The following ITGA7 variants were observed in gnomAD, a reference collection of about 807,000 sequenced individuals.
ITGA7 encodes the protein integrin alpha-7.
Under a neutral mutation model 131.6 loss-of-function variants are expected in ITGA7, and 84 were observed. That is an observed-to-expected ratio of 0.64 (90% CI 0.54 to 0.77). The LOEUF (loss-of-function observed/expected upper bound fraction) is 0.77, where lower values mean the gene tolerates loss of function less well. Among genes scored for constraint, ITGA7 ranks in the 30% least tolerant of loss-of-function variants. The probability of loss-of-function intolerance (pLI) is 0.00; values close to 1 mark genes in which losing one functional copy is unlikely to be tolerated. For missense variants in ITGA7, 1,399 were observed against 1,482.9 expected (o/e 0.94, Z 0.93); for synonymous variants, 548 against 600.7 (o/e 0.91, Z 1.28).
At position 55,695,545 on chromosome 12, in the gene ITGA7, G is replaced by C. The variant is rs769057334; in HGVS notation, c.1980C>G (p.Asp660Glu). Residue 660 changes from aspartate to glutamate, a missense_variant, in exon 14 of 25, where the codon GAC (aspartate) becomes GAG (glutamate). By Grantham distance (45) the Asp-to-Glu change is conservative. Coordinates refer to ENST00000257879, the MANE Select transcript of ITGA7 (RefSeq NM_002206.3). ...VRARFCTRVSDTEFQPLPMDV... is the reference protein window; with the variant it reads ...VRARFCTRVSETEFQPLPMDV... ...ACATGGGCAGAGGTTGGAATTCCGT[G>C]TCGCTGACCCGGGTACAGAAGCGGG... The C allele has an allele frequency of 6.2e-7, 1 of 1,612,792 alleles. No individual in the cohort carries two copies.
At chr12:55,711,334 T>C (rs1363794418), upstream of ITGA7, among the ~76,000 whole-genome samples, 6 of 152,038 alleles carry the variant, frequency 3.9e-5, no homozygotes. Context: ...AAAAATCAGC[T>C]GGGCGTGGTG....
At position 55,695,570 on chromosome 12, in the gene ITGA7, G is replaced by C; in HGVS notation, c.1955C>G (p.Ala652Gly). 1 of 1,613,996 alleles carries C rather than the reference G, an allele frequency of 6.2e-7. No individual in the cohort carries two copies. The highest frequency in any genetic ancestry group is 8.5e-7 in the Non-Finnish European group (1 of 1,179,980). ...ICQSNLQLVR[A>G]RFCTRVSDTE... ...GTCGCTGACCCGGGTACAGAAGCGG[G>C]CGCGGACCAGCTGCAGATTGCTCTG... is the stretch of plus-strand genomic sequence containing the variant. Residue 652 changes from alanine to glycine, a missense_variant, in exon 14 of 25, where the codon GCC becomes GGC. Coordinates refer to ENST00000257879, the MANE Select transcript of ITGA7 (RefSeq NM_002206.3).
chr12:55,702,782 C>G, intron 3 of ITGA7, 90 bp downstream of exon 3: 1 of 1,121,706 alleles, frequency 8.9e-7, no homozygotes, highest in Non-Finnish European at 1.3e-6. Flanking sequence ...AACTTGTGTT[C>G]TCTAAGCACA....
chr12:55,706,856 G>A (rs868487375), intron 1 of ITGA7, among the ~76,000 whole-genome samples: 1 of 152,216 alleles, frequency 6.6e-6, no homozygotes, highest in African/African-American at 2.4e-5. Flanking sequence ...GTACTTTGAG[G>A]GTTCAGTTTG....
intron 1 of ITGA7, among the ~76,000 whole-genome samples, chr12:55,705,183 A>G (rs1198237030): frequency 6.6e-6 from 1 of 152,066 alleles, no homozygotes; most frequent in Non-Finnish European, 1.5e-5. Context: ...GTGCATAGAT[A>G]TGCCCAGTCC....
At chr12:55,689,280 A>G (rs1236428585) in intron 21 of ITGA7, among the ~76,000 whole-genome samples, 2 of 152,232 alleles carry the variant, frequency 1.3e-5, no homozygotes, top group African/African-American at 2.4e-5. Context: ...AAGCTTCGCA[A>G]TAGTCCTACA....
intron 4 of ITGA7, chr12:55,700,287 G>A (rs756066012): frequency 3.7e-6 from 6 of 1,608,054 alleles, no homozygotes; most frequent in African/African-American, 1.3e-5. Flanking sequence ...CAGGGACCGG[G>A]ATGAGGCGGG....
intron 21 of ITGA7, 125 bp downstream of exon 21, chr12:55,692,718 TC>T (rs1871709095): frequency 1.6e-6 from 2 of 1,272,074 alleles, no homozygotes; most frequent in Admixed American, 4.0e-5. Flanking sequence ...GGGCACCCCC[TC>T]CTATGAATTG....
chr12:55,707,383 G>A (rs966773091), intron 1 of ITGA7, 94 bp downstream of exon 1: 5 of 1,024,838 alleles, frequency 4.9e-6, no homozygotes, highest in Non-Finnish European at 7.5e-6. Flanking sequence ...TCTTGGTGGG[G>A]CTAGAAAACA....
upstream of ITGA7, among the ~76,000 whole-genome samples, chr12:55,709,932 G>A (rs1436373932): frequency 6.6e-6 from 1 of 152,180 alleles, no homozygotes; most frequent in Non-Finnish European, 1.5e-5. Context: ...AAATAGAGGG[G>A]CAAAGGAGGG....
chr12:55,701,174 G>C lies in ITGA7; in HGVS notation c.415-20C>G, dbSNP rs1873931622. 1 of 1,614,116 alleles carries C rather than the reference G, an allele frequency of 6.2e-7. No individual in the cohort carries two copies. The highest frequency in any genetic ancestry group is 1.3e-5 in the African/African-American group (1 of 75,058). On this transcript the variant is annotated intron_variant, in intron 3 of 24. Coordinates refer to ENST00000257879, the MANE Select transcript of ITGA7 (RefSeq NM_002206.3). ...ACAGGTCTGGGGGAGGAAGGGATGG[G>C]GATCATTTCACTCTGTGGGCCAGGG...
At chr12:55,685,390 C>A in intron 24 of ITGA7, 102 bp from the exon 25 acceptor site, 1 of 1,073,124 alleles carries the variant, frequency 9.3e-7, no homozygotes, top group Non-Finnish European at 1.4e-6. Context: ...ATCCCTGCTG[C>A]GGCAGAAAGG....
chr12:55,694,766 C>G lies in ITGA7; in HGVS notation c.2196+12G>C. 6.2e-7 allele frequency: 1 copy of G among 1,614,088 alleles called. No homozygotes were observed. Among genetic ancestry groups the G allele is most frequent in the Non-Finnish European group, 8.5e-7 (1 of 1,179,982 alleles). ...CTCAAGACCCCACCCCATCCTGCCC[C>G]CAGGTCCTCACCGCAGGGTCCAGGG... On this transcript the variant is annotated intron_variant, in intron 15 of 24. Transcript: ENST00000257879. This position sits in a 1 kb window ranked among gnomAD's most constrained non-coding sequence, Gnocchi z 5.3.
intron 1 of ITGA7, among the ~76,000 whole-genome samples, chr12:55,704,084 C>T (rs902867171): frequency 1.3e-5 from 2 of 152,176 alleles, no homozygotes; most frequent in Admixed American, 6.5e-5. Context: ...AGAGTGAAGG[C>T]GGGGGTGAGG....
chr12:55,702,739 T>A (rs1217550905), intron 3 of ITGA7, 133 bp downstream of exon 3: 1 of 765,368 alleles, frequency 1.3e-6, no homozygotes, highest in East Asian at 2.6e-5. Flanking sequence ...TTTTTATATC[T>A]CCCTGATGTA....
At chr12:55,702,702 A>G (rs114843659) in intron 3 of ITGA7, 170 bp downstream of exon 3, 73 of 664,866 alleles carry the variant, frequency 1.1e-4, no homozygotes, top group African/African-American at 1.1e-3. Flanking sequence ...TTTTACATTT[A>G]TAAGGACAAG....
upstream of ITGA7, among the ~76,000 whole-genome samples, chr12:55,710,048 A>G (rs1347582270): frequency 2.6e-5 from 4 of 152,218 alleles, no homozygotes; most frequent in African/African-American, 9.6e-5. Flanking sequence ...ATAATATCGT[A>G]GGTGAAGAGG....
At position 55,694,553 on chromosome 12, in the gene ITGA7, A is replaced by T; in HGVS notation, c.2278-31T>A. 1 of 1,613,536 alleles carries T rather than the reference A, an allele frequency of 6.2e-7. No homozygotes were observed. Among genetic ancestry groups the T allele is most frequent in the Non-Finnish European group, 8.5e-7 (1 of 1,179,406 alleles). ...CCAAGGGTGGAAAGAGATTAGAGTC[A>T]GGGGTGGTCTACGGGCTTATGGAGA... On this transcript the variant is annotated intron_variant, in intron 16 of 24. Transcript: ENST00000257879. The surrounding 1 kb of genome is among the most constrained non-coding windows in gnomAD (Gnocchi z 5.3).
chr12:55,694,038 C>G lies in ITGA7; in HGVS notation c.2518G>C (p.Val840Leu). The change falls in exon 19 of 25, where the codon GTC becomes CTC. Residue 840 changes from valine to leucine, a missense_variant. Coordinates refer to ENST00000257879, the MANE Select transcript of ITGA7 (RefSeq NM_002206.3). This position sits in a 1 kb window ranked among gnomAD's most constrained non-coding sequence, Gnocchi z 5.3. ...ACACTTACCGTGACCTCATACTTGA[C>G]CTTGCTGCCCACATCCCGCTCAGAC... ...MQSERDVGSK[V>L]KYEVTVSNQG... 1 of 1,613,922 alleles carries G rather than the reference C, an allele frequency of 6.2e-7. No homozygotes were observed. The highest frequency in any genetic ancestry group is 1.3e-5 in the African/African-American group (1 of 75,064).
Sources: gnomAD v4.1 joint callset for allele counts (sites outside exome capture counted in the v4.1 genomes callset) on GRCh38, gnomAD v4.1.1 for gene constraint, Gnocchi (gnomAD v3.1) non-coding constraint, MANE v1.5 for transcripts, NCBI Gene and HGNC (gene_info 2026-07-23, HGNC 2026-07-21) for gene names.